Variants in FGF1 observed in about 807,000 individuals in gnomAD.
FGF1 encodes beta-endothelial cell growth factor.
In FGF1, 9 loss-of-function variants were observed where a neutral mutation model predicts 13.4. The observed-to-expected ratio is 0.67, with a 90% CI of 0.40 to 1.17. FGF1 has a LOEUF of 1.17. Among genes scored for constraint, FGF1 ranks in the 50% most tolerant of loss-of-function variants. FGF1 has a pLI of 0.01. For synonymous variants in FGF1, 93 were observed against 79.0 expected (o/e 1.18, Z -0.94); for missense variants, 156 against 192.7 (o/e 0.81, Z 1.13).
At chr5:142,636,662 C>T (rs1764300083) in intron 1 of FGF1, among the ~76,000 whole-genome samples, 1 of 150,510 alleles carries the variant, frequency 6.6e-6, no homozygotes, top group African/African-American at 2.5e-5. Context: ...AGGTAATAAG[C>T]AATCTATAGG....
At chr5:142,673,889 A>G (rs1408500677) in intron 1 of FGF1, among the ~76,000 whole-genome samples, 1 of 152,046 alleles carries the variant, frequency 6.6e-6, no homozygotes, top group Non-Finnish European at 1.5e-5. Flanking sequence ...AAAGCCCCAA[A>G]CTTTTTGCAT....
intron 1 of FGF1, 52 bp from the exon 2 acceptor site, chr5:142,614,213 A>C: frequency 6.9e-7 from 1 of 1,451,836 alleles, no homozygotes. Flanking sequence ...AAGGCACAAA[A>C]TGCACTTTGA....
chr5:142,604,050 T>C lies in FGF1; in HGVS notation c.170-3245A>G, dbSNP rs184004438. On this transcript the variant is annotated intron_variant, in intron 2 of 3. Coordinates refer to ENST00000337706, the MANE Select transcript of FGF1 (RefSeq NM_000800.5). ...TTTATGTTTCCATTTAAATGAAATG[T>C]CCAGAATAGGCAAATCCATAAAGAC... 5.9e-5 allele frequency among the ~76,000 whole-genome samples: 9 copies of C among 152,292 alleles called. No individual in the cohort carries two copies. In the East Asian group the frequency reaches 1.7e-3, roughly 29 times the overall value.
intron 1 of FGF1, among the ~76,000 whole-genome samples, chr5:142,618,818 T>C (rs1179050780): frequency 6.6e-6 from 1 of 151,954 alleles, no homozygotes; most frequent in African/African-American, 2.4e-5. Flanking sequence ...CCATTATATC[T>C]AGGAGACATT....
At chr5:142,601,881 C>T (rs1309323289) in intron 2 of FGF1, among the ~76,000 whole-genome samples, 1 of 152,130 alleles carries the variant, frequency 6.6e-6, no homozygotes, top group Non-Finnish European at 1.5e-5. Flanking sequence ...TGTTTATTCA[C>T]CCTAGGGTGC....
intron 1 of FGF1, among the ~76,000 whole-genome samples, chr5:142,670,204 C>T (rs374106582): frequency 1.3e-5 from 2 of 152,130 alleles, no homozygotes; most frequent in African/African-American, 4.8e-5. Context: ...AAGTCCTTGG[C>T]CAAGTGACCT....
chr5:142,668,159 A>C (rs928111372), intron 1 of FGF1, among the ~76,000 whole-genome samples: 1 of 152,262 alleles, frequency 6.6e-6, no homozygotes, highest in South Asian at 2.1e-4. Flanking sequence ...GGCAGAGGCC[A>C]TGGTAGCTGG....
At chr5:142,601,763 A>G (rs1209346648) in intron 2 of FGF1, among the ~76,000 whole-genome samples, 1 of 152,142 alleles carries the variant, frequency 6.6e-6, no homozygotes, top group Non-Finnish European at 1.5e-5. Context: ...AGATGGAGGG[A>G]AAGGACTATG....
At chr5:142,668,732 A>G (rs1770909635) in intron 1 of FGF1, among the ~76,000 whole-genome samples, 1 of 152,246 alleles carries the variant, frequency 6.6e-6, no homozygotes, top group Non-Finnish European at 1.5e-5. Flanking sequence ...TAAATAAAAT[A>G]TGCATTCTAA....
upstream of FGF1, among the ~76,000 whole-genome samples, chr5:142,690,670 C>T (rs527572138): frequency 3.3e-5 from 5 of 152,342 alleles, no homozygotes; most frequent in East Asian, 9.6e-4. Flanking sequence ...TCCTAATTGG[C>T]CTCCCTGCTC....
chr5:142,656,964 C>A (rs1302719558), intron 1 of FGF1, among the ~76,000 whole-genome samples: 3 of 152,004 alleles, frequency 2.0e-5, no homozygotes, highest in African/African-American at 7.3e-5. Context: ...GTTGCCCAGG[C>A]TGGAGTGCAA....
chr5:142,605,253 C>T (rs146869925), intron 2 of FGF1, among the ~76,000 whole-genome samples: 4,311 of 150,896 alleles, frequency 0.029, 145 homozygotes, highest in East Asian at 0.12. Context: ...ATTACAGGCA[C>T]GCACCATCAT....
At position 142,595,427 on chromosome 5, in the gene FGF1, T is replaced by A; in HGVS notation, c.331A>T (p.Thr111Ser). Residue 111 changes from threonine to serine, a missense_variant, in exon 4 of 4, where the codon ACC (threonine) becomes TCC (serine). Thr to Ser is a moderately conservative substitution (Grantham distance 58). Transcript: ENST00000337706. ...TCTGCATGCTTCTTGGATATATAGGTGTTGTAATGGTTCTCCTCCAGCCTT... is the reference window on the plus strand; with the variant it reads ...TCTGCATGCTTCTTGGATATATAGGAGTTGTAATGGTTCTCCTCCAGCCTT... Reference protein sequence around the residue: ...LERLEENHYNTYISKKHAEKN... With the variant: ...LERLEENHYNSYISKKHAEKN... The A allele has an allele frequency of 6.2e-7, 1 of 1,613,974 alleles. No homozygotes were observed. Among genetic ancestry groups the A allele is most frequent in the Non-Finnish European group, 8.5e-7 (1 of 1,179,898 alleles).
chr5:142,676,140 G>A (rs753762803), intron 1 of FGF1, among the ~76,000 whole-genome samples: 1 of 152,138 alleles, frequency 6.6e-6, no homozygotes, highest in Non-Finnish European at 1.5e-5. Flanking sequence ...AAGAAAAAAG[G>A]CCGACAAAGG....
At chr5:142,689,540 C>G (rs1751797044), upstream of FGF1, among the ~76,000 whole-genome samples, 3 of 152,112 alleles carry the variant, frequency 2.0e-5, no homozygotes, top group Admixed American at 2.0e-4. Context: ...CCACTGAAAT[C>G]CAATCATATG....
In FGF1 at chr5:142,593,795, A is replaced by C. The variant is rs1754720135; in HGVS notation, c.*1495T>G. On this transcript the variant is annotated 3_prime_UTR_variant, in exon 4 of 4. Transcript: ENST00000337706. ...AAATGCAATTAAAACATACAGTCTCACAGTAAATTTCAATGACTTATTAAA... is the reference window on the plus strand; with the variant it reads ...AAATGCAATTAAAACATACAGTCTCCCAGTAAATTTCAATGACTTATTAAA... 1 of 152,658 alleles carries C rather than the reference A, an allele frequency of 6.6e-6. No homozygotes were observed. Among genetic ancestry groups the C allele is most frequent in the Admixed American group, 6.5e-5 (1 of 15,284 alleles). The allele number at this position is 152,658 out of a possible 1,614,324, so 9.5% of individuals were successfully genotyped here.
intron 1 of FGF1, among the ~76,000 whole-genome samples, chr5:142,654,796 G>A (rs967248750): frequency 1.3e-5 from 2 of 152,188 alleles, no homozygotes; most frequent in Non-Finnish European, 2.9e-5. Flanking sequence ...TTTGCCTGGC[G>A]AGTGGGCCCC....
chr5:142,611,183 G>A (rs1042591180), intron 2 of FGF1, among the ~76,000 whole-genome samples: 11 of 152,134 alleles, frequency 7.2e-5, no homozygotes, highest in East Asian at 1.9e-4. Flanking sequence ...ATGCCTGGCC[G>A]AGGCAATTCT....
chr5:142,696,082 G>T, intron 2 of FGF1, among the ~76,000 whole-genome samples: 1 of 152,168 alleles, frequency 6.6e-6, no homozygotes. Flanking sequence ...CTGGTGCATG[G>T]TCTGGGAGCT....
Sources: allele counts gnomAD v4.1 joint callset (sites outside exome capture counted in the v4.1 genomes callset), GRCh38; gene constraint gnomAD v4.1.1; transcripts MANE v1.5; gene names NCBI Gene and HGNC (gene_info 2026-07-23, HGNC 2026-07-21).